EFCC1: variants seen among roughly 807,000 people sequenced by gnomAD.
EFCC1 encodes the protein EF-hand and coiled-coil domain containing 1.
Under a neutral mutation model 52.1 loss-of-function variants are expected in EFCC1, and 50 were observed. The observed-to-expected ratio is 0.96, with a 90% CI of 0.76 to 1.21. The LOEUF is 1.21. Ranked by LOEUF, EFCC1 falls within the 50% of genes most tolerant of loss-of-function variation. The probability of loss-of-function intolerance (pLI) is 0.00; values close to 1 mark genes in which losing one functional copy is unlikely to be tolerated. For missense variants in EFCC1, 837 were observed against 867.3 expected (o/e 0.97, Z 0.44); for synonymous variants, 399 against 396.5 (o/e 1.01, Z -0.08).
rs192414122 is a variant in EFCC1 at position 129,034,433 on chromosome 3, A to G, written c.1452+104A>G. On this transcript the variant is annotated intron_variant, in intron 5 of 7. Coordinates refer to ENST00000683648, the MANE Select transcript of EFCC1 (RefSeq NM_001377500.1). ...AAGTCTTGTGCCTCATTCCCAGATG[A>G]GTAAACCAAGGCCCAGAGGGAGGTG... The G allele has an allele frequency of 2.7e-4, 349 of 1,311,364 alleles. No individual in the cohort carries two copies. The South Asian group carries it at 2.9e-3, about 11-fold the overall frequency. The allele number at this position is 1,311,364 out of a possible 1,614,324, so 81.2% of individuals were successfully genotyped here.
At chr3:129,032,720 A>G (rs1946296086) in intron 3 of EFCC1, 99 bp from the exon 4 acceptor site, 1 of 1,457,098 alleles carries the variant, frequency 6.9e-7, no homozygotes, top group African/African-American at 1.4e-5. Flanking sequence ...ACATGGCACA[A>G]GAGCCCTCCC....
intron 2 of EFCC1, among the ~76,000 whole-genome samples, chr3:129,006,810 C>T (rs1486968166): frequency 6.6e-6 from 1 of 152,084 alleles, no homozygotes; most frequent in Non-Finnish European, 1.5e-5. Context: ...CTACCTTGCC[C>T]GGGGGGCTGA....
chr3:129,032,868 C>G lies in EFCC1; in HGVS notation c.1188C>G (p.Asp396Glu). ...CCGTGGAGGGCCAGGCCGCCTCTGA[C>G]GAGGAGGAGGTGGAGGAGGAGAGGT... ...FRSVEGQAAS[D>E]EEEVEEERWQ... Residue 396 changes from aspartate to glutamate, a missense_variant, in exon 4 of 8, where the codon GAC (aspartate) becomes GAG (glutamate). Coordinates refer to ENST00000683648, the MANE Select transcript of EFCC1 (RefSeq NM_001377500.1). 1 of 1,551,486 alleles carries G rather than the reference C, an allele frequency of 6.4e-7. No individual in the cohort carries two copies. The highest frequency in any genetic ancestry group is 8.7e-7 in the Non-Finnish European group (1 of 1,146,922).
Position 129,001,514 on chromosome 3 carries a change from A to G in EFCC1, c.-115A>G. 1 of 1,326,656 alleles carries G rather than the reference A, an allele frequency of 7.5e-7. No homozygotes were observed. The highest frequency in any genetic ancestry group is 9.6e-7 in the Non-Finnish European group (1 of 1,042,664). The allele number at this position is 1,326,656 out of a possible 1,614,324, so 82.2% of individuals were successfully genotyped here. On this transcript the variant is annotated 5_prime_UTR_variant, in exon 1 of 8. Coordinates refer to ENST00000683648, the MANE Select transcript of EFCC1 (RefSeq NM_001377500.1). ...TGGACACGGTCCCCGGCGCCGCTCC[A>G]ACCAGACCGCGACCGCTAAGCCCCT...
chr3:129,003,272 G>A (rs80005819), intron 1 of EFCC1: 10,868 of 985,288 alleles, frequency 0.011, 493 homozygotes, highest in African/African-American at 0.11. Flanking sequence ...ACGGTCTTCC[G>A]GCATCTCTCA....
chr3:129,034,090 C>T (rs1576783949), intron 4 of EFCC1, 74 bp from the exon 5 acceptor site: 1 of 1,584,704 alleles, frequency 6.3e-7, no homozygotes, highest in Non-Finnish European at 8.6e-7. Context: ...ACACCACCAC[C>T]ACCTCTCCAA....
In EFCC1 at chr3:129,001,556, G is replaced by A. The variant is rs1944747756; in HGVS notation, c.-73G>A. The A allele has an allele frequency of 1.5e-6, 2 of 1,348,248 alleles. No homozygotes were observed. Among genetic ancestry groups the A allele is most frequent in the South Asian group, 3.7e-5 (2 of 53,444 alleles). 83.5% of individuals were successfully genotyped at this position (1,348,248 alleles called of 1,614,324 possible). ...TAAGCCCCTCCTTTCGAGAAACTCT[G>A]GGGCCGCCCCTGGAAGTGGCGGGGC... On this transcript the variant is annotated 5_prime_UTR_variant, in exon 1 of 8. Transcript: ENST00000683648.
rs1235738364 is a variant in EFCC1, at chr3:129,010,325, G to A, written c.980+6248G>A. 6.6e-6 allele frequency among the ~76,000 whole-genome samples: 1 copy of A among 152,230 alleles called. No homozygotes were observed. The highest frequency in any genetic ancestry group is 1.5e-5 in the Non-Finnish European group (1 of 68,050). On this transcript the variant is annotated intron_variant, in intron 2 of 7. Coordinates refer to ENST00000683648, the MANE Select transcript of EFCC1 (RefSeq NM_001377500.1). This position sits in a 1 kb window ranked among gnomAD's most constrained non-coding sequence, Gnocchi z 4.3. ...AGGAGCAGCTGAGTCCCCTTGATGG[G>A]GCCTTCAGGACACCGGGGCAGGGCA...
intron 5 of EFCC1, among the ~76,000 whole-genome samples, chr3:129,036,738 C>A (rs1559976908): frequency 1.3e-5 from 2 of 152,222 alleles, no homozygotes; most frequent in Non-Finnish European, 2.9e-5. Flanking sequence ...CAGCTTCCCA[C>A]TAAACTTAAT....
In EFCC1 at chr3:129,039,737, C is replaced by T; in HGVS notation, c.1689C>T (p.Ile563=). ...THEGRPSPAA[I]LDALHQALAA... ...AGGGAAGGCCCAGCCCTGCAGCCAT[C>T]CTGGATGCCCTGCACCAAGCCTTGG... is the stretch of plus-strand genomic sequence containing the variant. Residue 563 remains isoleucine (I), a synonymous_variant, in exon 8 of 8, where the codon ATC becomes ATT. Transcript: ENST00000683648. 1.9e-6 allele frequency: 3 copies of T among 1,609,174 alleles called. No individual in the cohort carries two copies. Among genetic ancestry groups the T allele is most frequent in the South Asian group, 2.2e-5 (2 of 90,610 alleles).
At chr3:129,013,803 T>C (rs1015893925) in intron 2 of EFCC1, among the ~76,000 whole-genome samples, 1 of 152,234 alleles carries the variant, frequency 6.6e-6, no homozygotes, top group African/African-American at 2.4e-5. Context: ...TGGAGGAGTC[T>C]GTTCTCCAAA....
chr3:129,017,013 C>G (rs1157627668), intron 2 of EFCC1, among the ~76,000 whole-genome samples: 2 of 152,226 alleles, frequency 1.3e-5, no homozygotes, highest in African/African-American at 4.8e-5. Flanking sequence ...TCATCTTCCA[C>G]TCTGTTTTCC....
chr3:129,036,988 G>A lies in EFCC1; in HGVS notation c.1464G>A (p.Gln488=). The A allele has an allele frequency of 1.2e-6, 2 of 1,613,900 alleles. No homozygotes were observed. Among genetic ancestry groups the A allele is most frequent in the Non-Finnish European group, 1.7e-6 (2 of 1,179,994 alleles). Residue 488 remains glutamine (Q), a synonymous_variant, in exon 6 of 8, where the codon CAG becomes CAA. Coordinates refer to ENST00000683648, the MANE Select transcript of EFCC1 (RefSeq NM_001377500.1). The part of the protein sequence containing the change: ...LGTSEEEAEL[Q]QKVEENEHLR... The stretch of plus-strand genomic sequence containing the variant: ...CCTTCTCTTCCCAGGCAGAGTTGCA[G>A]CAGAAGGTGGAAGAGAATGAGCACC...
chr3:129,034,781 C>T (rs1175993340), intron 5 of EFCC1, among the ~76,000 whole-genome samples: 1 of 152,170 alleles, frequency 6.6e-6, no homozygotes, highest in Non-Finnish European at 1.5e-5. Flanking sequence ...GAGTCTCATT[C>T]CTAGTACATG....
At chr3:129,029,358 T>G (rs942744330) in intron 2 of EFCC1, among the ~76,000 whole-genome samples, 1 of 152,072 alleles carries the variant, frequency 6.6e-6, no homozygotes, top group African/African-American at 2.4e-5. Context: ...AGAAAAGTGA[T>G]TGGTGGGGTG....
At chr3:129,003,613 G>T (rs1944907241) in intron 1 of EFCC1, among the ~76,000 whole-genome samples, 181 bp from the exon 2 acceptor site, 2 of 152,208 alleles carry the variant, frequency 1.3e-5, no homozygotes, top group South Asian at 2.1e-4. Context: ...GGGATGTGGC[G>T]AGGGTTAAAG....
At chr3:129,019,334 C>T (rs982039477) in intron 2 of EFCC1, among the ~76,000 whole-genome samples, 1 of 152,172 alleles carries the variant, frequency 6.6e-6, no homozygotes, top group Non-Finnish European at 1.5e-5. Context: ...TAAGTTTGTC[C>T]TGGGTAGGTT....
intron 2 of EFCC1, among the ~76,000 whole-genome samples, chr3:129,018,082 T>C (rs1004952023): frequency 1.4e-4 from 22 of 152,218 alleles, no homozygotes; most frequent in Non-Finnish European, 1.6e-4. Flanking sequence ...GGGTGGTCTT[T>C]TTATCCCCAG....
chr3:129,021,959 T>C (rs1197353270), intron 2 of EFCC1, among the ~76,000 whole-genome samples: 1 of 152,174 alleles, frequency 6.6e-6, no homozygotes, highest in Non-Finnish European at 1.5e-5. Context: ...AGGGCCATTG[T>C]AGAAAGAGGG....
Sources: allele counts gnomAD v4.1 joint callset (sites outside exome capture counted in the v4.1 genomes callset), GRCh38; gene constraint gnomAD v4.1.1; non-coding constraint Gnocchi (gnomAD v3.1); transcripts MANE v1.5; gene names NCBI Gene and HGNC (gene_info 2026-07-23, HGNC 2026-07-21).